The following PITPNA variants were observed in gnomAD, a reference collection of about 807,000 sequenced individuals.
The protein encoded by PITPNA is phosphatidylinositol transfer protein alpha.
In PITPNA, 13 loss-of-function variants were observed where a neutral mutation model predicts 50.3. The observed-to-expected ratio is 0.26, with a 90% confidence interval of 0.17 to 0.41. The LOEUF (loss-of-function observed/expected upper bound fraction) is 0.41. Among genes scored for constraint, PITPNA ranks in the 10% least tolerant of loss-of-function variants. PITPNA has a pLI of 1.00. For synonymous variants in PITPNA, 120 were observed against 119.6 expected, an observed-to-expected ratio of 1.00 and a Z score of -0.02; for missense variants, 207 against 333.4, an observed-to-expected ratio of 0.62 and a Z score of 2.95.
chr17:1,551,056 G>T (rs1326129125), intron 3 of PITPNA, among the ~76,000 whole-genome samples: 1 of 148,906 alleles, frequency 6.7e-6, no homozygotes, highest in African/African-American at 2.4e-5. Flanking sequence ...GCGAGTGAGA[G>T]TATTGCGGGG....
At chr17:1,534,595 G>C (rs1335593349) in intron 9 of PITPNA, among the ~76,000 whole-genome samples, 1 of 152,214 alleles carries the variant, frequency 6.6e-6, no homozygotes, top group Non-Finnish European at 1.5e-5. Flanking sequence ...CAGCAGCTAT[G>C]AAATATGGCC....
chr17:1,521,532 C>G lies in PITPNA; in HGVS notation c.*22+47G>C, dbSNP rs1015344120. 8 of 1,389,660 alleles carry G rather than the reference C, an allele frequency of 5.8e-6. No homozygotes were observed. In the African/African-American group the frequency reaches 1.1e-4, roughly 20 times the overall value. The allele number at this position is 1,389,660 out of a possible 1,614,324, so 86.1% of individuals were successfully genotyped here. On this transcript the variant is annotated intron_variant, in intron 11 of 11. Coordinates refer to ENST00000313486, the MANE Select transcript of PITPNA (RefSeq NM_006224.4). The stretch of plus-strand genomic sequence containing the variant: ...AGCTGCTGAGGCCTTGAAACCCAAA[C>G]TGATTTTAGCGTCTGTGACACGCAC...
chr17:1,520,769 G>C lies in PITPNA; in HGVS notation c.*23-231C>G, dbSNP rs534639761. Reference sequence around the variant, plus strand: ...CTGCTTTGGGAACATGGGGCAGGGAGAGTAAGCAGGGCCTGCCGTCACTCC... The same window carrying C: ...CTGCTTTGGGAACATGGGGCAGGGACAGTAAGCAGGGCCTGCCGTCACTCC... On this transcript the variant is annotated intron_variant, in intron 11 of 11. Coordinates refer to ENST00000313486, the MANE Select transcript of PITPNA (RefSeq NM_006224.4). Among the ~76,000 whole-genome samples the C allele has an allele frequency of 5.3e-5, 8 of 152,314 alleles. No individual in the cohort carries two copies. The East Asian group carries it at 1.4e-3, about 26-fold the overall frequency.
intron 3 of PITPNA, among the ~76,000 whole-genome samples, chr17:1,552,537 A>C (rs975798316): frequency 6.6e-6 from 1 of 152,216 alleles, no homozygotes; most frequent in Non-Finnish European, 1.5e-5. Context: ...CGATTTCACG[A>C]TATCAGAATT....
intron 3 of PITPNA, among the ~76,000 whole-genome samples, chr17:1,550,372 G>C (rs143260360): frequency 2.9e-4 from 44 of 152,306 alleles, no homozygotes; most frequent in African/African-American, 9.1e-4. Flanking sequence ...GGAAAGTCAG[G>C]ATGAACCAAC....
intron 7 of PITPNA, 33 bp downstream of exon 7, chr17:1,538,836 C>CATTGA (rs769949011): frequency 1.4e-6 from 2 of 1,436,362 alleles, no homozygotes; most frequent in Non-Finnish European, 2.0e-6. Flanking sequence ...TTCTGCGTCT[C>CATTGA]GAAGGCCACC....
chr17:1,551,620 A>C (rs552200863), intron 3 of PITPNA, among the ~76,000 whole-genome samples: 38 of 152,074 alleles, frequency 2.5e-4, no homozygotes, highest in African/African-American at 8.9e-4. Context: ...ATATGTAGAG[A>C]CCTCGTCTCT....
At chr17:1,549,074 A>AT (rs1413911678) in intron 3 of PITPNA, among the ~76,000 whole-genome samples, 3 of 150,284 alleles carry the variant, frequency 2.0e-5, no homozygotes, top group Non-Finnish European at 4.4e-5. Flanking sequence ...CGCCCAGCTA[A>AT]TTTTTGTATT....
At chr17:1,522,572 C>A (rs1360751942) in intron 10 of PITPNA, among the ~76,000 whole-genome samples, 2 of 151,974 alleles carry the variant, frequency 1.3e-5, no homozygotes, top group Non-Finnish European at 2.9e-5. Context: ...GGGGTTTCAC[C>A]ATTTTGGCCA....
intron 1 of PITPNA, among the ~76,000 whole-genome samples, chr17:1,561,765 C>T (rs546135994): frequency 6.6e-6 from 1 of 152,298 alleles, no homozygotes; most frequent in South Asian, 2.1e-4. Flanking sequence ...GTCTCCCCAG[C>T]CAGGCCCTGA....
At chr17:1,541,357 G>A (rs777081476) in intron 6 of PITPNA, among the ~76,000 whole-genome samples, 5 of 152,054 alleles carry the variant, frequency 3.3e-5, no homozygotes, top group Non-Finnish European at 5.9e-5. Context: ...CAAGCAGTAC[G>A]AGAAGGCCCC....
intron 11 of PITPNA, among the ~76,000 whole-genome samples, chr17:1,521,213 T>C (rs980189073): frequency 6.6e-6 from 1 of 152,166 alleles, no homozygotes. Context: ...GGGCAGGTAA[T>C]GGCAGCTTTT....
intron 6 of PITPNA, among the ~76,000 whole-genome samples, chr17:1,541,142 C>A (rs555421053): frequency 5.3e-4 from 81 of 152,206 alleles, no homozygotes; most frequent in Middle Eastern, 3.4e-3. Context: ...TGATCTTTGG[C>A]TACACAAAGA....
At chr17:1,542,995 T>C (rs774063481) in intron 5 of PITPNA, 25 bp downstream of exon 5, 18 of 1,568,914 alleles carry the variant, frequency 1.1e-5, no homozygotes, top group Non-Finnish European at 1.6e-5. Flanking sequence ...TCATCTACAG[T>C]TCCAACCCCC....
chr17:1,533,980 C>G, intron 10 of PITPNA, 119 bp downstream of exon 10: 1 of 1,139,266 alleles, frequency 8.8e-7, no homozygotes. Context: ...GTCCCTGTAG[C>G]AGACACTGAC....
chr17:1,562,500 C>A lies in PITPNA; in HGVS notation c.20+41G>T. On this transcript the variant is annotated intron_variant, in intron 1 of 11. Transcript: ENST00000313486. The surrounding 1 kb of genome is among the most constrained non-coding windows in gnomAD (Gnocchi z 6.4). ...CCGTCGCCCCGGCGGCCGTCCCCAC[C>A]CTCCCTCCTCCCCGCTTCCGCACGG... 1.4e-6 allele frequency: 2 copies of A among 1,408,940 alleles called. No individual in the cohort carries two copies. The highest frequency in any genetic ancestry group is 1.9e-6 in the Non-Finnish European group (2 of 1,069,686). The allele number at this position is 1,408,940 out of a possible 1,614,324, so 87.3% of individuals were successfully genotyped here.
At chr17:1,528,333 G>A (rs1441161330) in intron 10 of PITPNA, among the ~76,000 whole-genome samples, 1 of 152,180 alleles carries the variant, frequency 6.6e-6, no homozygotes, top group East Asian at 1.9e-4. Context: ...TAGAGACGGG[G>A]TTTCTCCATG....
intron 1 of PITPNA, among the ~76,000 whole-genome samples, chr17:1,560,288 G>A (rs1038842353): frequency 6.6e-6 from 1 of 152,212 alleles, no homozygotes; most frequent in Admixed American, 6.5e-5. Context: ...GGCCACAGAG[G>A]AACTGCCGGG....
chr17:1,558,509 C>T lies in PITPNA; in HGVS notation c.51+20G>A, dbSNP rs763199892. The T allele has an allele frequency of 1.2e-5, 18 of 1,561,412 alleles. No individual in the cohort carries two copies. Among genetic ancestry groups the T allele is most frequent in the Non-Finnish European group, 1.6e-5 (18 of 1,133,404 alleles). ...CAAACAGTTACACACAACTATGGAC[C>T]AGAAAGTAAAAGGACTTACCTCATC... On this transcript the variant is annotated intron_variant, in intron 2 of 11. Coordinates refer to ENST00000313486, the MANE Select transcript of PITPNA (RefSeq NM_006224.4).
Sources: allele counts gnomAD v4.1 joint callset (sites outside exome capture counted in the v4.1 genomes callset), GRCh38; gene constraint gnomAD v4.1.1; non-coding constraint Gnocchi (gnomAD v3.1); transcripts MANE v1.5; gene names NCBI Gene and HGNC (gene_info 2026-07-23, HGNC 2026-07-21).